CAMTA1: variants seen among roughly 807,000 people sequenced by gnomAD.
CAMTA1 encodes the protein calmodulin-binding transcription activator 1.
CAMTA1 carries 27 observed loss-of-function variants against 170.9 expected under a neutral mutation model. The ratio of observed to expected loss-of-function variants is 0.16; its 90% CI spans 0.12 to 0.22. CAMTA1 has a LOEUF of 0.22. Among genes scored for constraint, CAMTA1 ranks in the 10% least tolerant of loss-of-function variants. The pLI is 1.00. For missense variants in CAMTA1, 1,619 were observed against 2,217.2 expected (o/e 0.73, Z 5.42); for synonymous variants, 833 against 891.5 (o/e 0.93, Z 1.17).
chr1:6,820,482 C>T (rs562328411), intron 2 of CAMTA1, among the ~76,000 whole-genome samples: 3 of 152,282 alleles, frequency 2.0e-5, no homozygotes, highest in Admixed American at 6.5e-5. Context: ...TTTAATCACA[C>T]GGAGAAATCA....
chr1:7,416,488 T>G (rs561720736), intron 5 of CAMTA1, among the ~76,000 whole-genome samples: 4 of 152,326 alleles, frequency 2.6e-5, no homozygotes, highest in African/African-American at 9.6e-5. Context: ...TAAACTTCTC[T>G]TCTCGCTTCA....
In CAMTA1 at chr1:7,767,942, CAGG is replaced by C. The variant is rs1203063703; in HGVS notation, c.*1454_*1456del. 2 of 151,318 alleles carry C rather than the reference CAGG, an allele frequency of 1.3e-5. No individual in the cohort carries two copies. Among genetic ancestry groups the C allele is most frequent in the African/African-American group, 2.4e-5 (1 of 41,092 alleles). The allele number at this position is 151,318 out of a possible 1,614,324, so 9.4% of individuals were successfully genotyped here. A position where few individuals can be genotyped will look rare whatever the true frequency, so the allele number is the denominator to read the frequency against. ...TATGTTTACATTTAATTTTGGCTAC[CAGG>C]AGTTTAGTTTATTTTATTTAAAATT... On this transcript the variant is annotated 3_prime_UTR_variant, in exon 23 of 23. Transcript: ENST00000303635.
intron 6 of CAMTA1, among the ~76,000 whole-genome samples, chr1:7,599,310 G>C (rs1036702978): frequency 6.6e-6 from 1 of 152,272 alleles, no homozygotes; most frequent in Non-Finnish European, 1.5e-5. Flanking sequence ...TCTCTGTTTT[G>C]GTACCAGTAC....
rs375434903 is a variant in CAMTA1 at position 7,437,164 on chromosome 1, G to C, written c.439-30666G>C. On this transcript the variant is annotated intron_variant, in intron 5 of 22. Transcript: ENST00000303635. ...CAGCCCTATCCTCCCCGGATGCCTG[G>C]ATGCCGGAGGCAGGTCTCCGGTGTC... Among the ~76,000 whole-genome samples, 32 of 152,272 alleles carry C rather than the reference G, an allele frequency of 2.1e-4. No homozygotes were observed. In the East Asian group the frequency reaches 5.4e-3, roughly 26 times the overall value.
rs78982180 is a variant in CAMTA1, at chr1:7,409,045, C to T, written c.439-58785C>T. Among the ~76,000 whole-genome samples the T allele has an allele frequency of 3.3e-5, 5 of 152,210 alleles. No homozygotes were observed. The East Asian group carries it at 9.6e-4, about 29-fold the overall frequency. ...CAACACCTAGGCGCTCCTTTAAGTA[C>T]CTGCCTGTGGCCCTCTCTCCAAGGT... On this transcript the variant is annotated intron_variant, in intron 5 of 22. Coordinates refer to ENST00000303635, the MANE Select transcript of CAMTA1 (RefSeq NM_015215.4).
chr1:6,861,844 A>G (rs1297991635), intron 3 of CAMTA1, among the ~76,000 whole-genome samples: 1 of 152,174 alleles, frequency 6.6e-6, no homozygotes, highest in Non-Finnish European at 1.5e-5. Context: ...CTCTGTACCC[A>G]GTCAACAGTA....
Position 7,641,070 on chromosome 1 carries a change from C to G in CAMTA1, c.664+517C>G, listed in dbSNP as rs1353265683. On this transcript the variant is annotated intron_variant, in intron 7 of 22. Transcript: ENST00000303635. This position sits in a 1 kb window ranked among gnomAD's most constrained non-coding sequence, Gnocchi z 4.5. The stretch of plus-strand genomic sequence containing the variant: ...ATTTCATTTTGTCAGCAAAGTGGTG[C>G]TTTCTGAAGCATCTGTCAGGTGCAA... Among the ~76,000 whole-genome samples the G allele has an allele frequency of 1.3e-5, 2 of 152,210 alleles. No individual in the cohort carries two copies. The highest frequency in any genetic ancestry group is 2.9e-5 in the Non-Finnish European group (2 of 68,038).
chr1:7,361,102 G>A (rs575120031), intron 5 of CAMTA1, among the ~76,000 whole-genome samples: 4 of 152,290 alleles, frequency 2.6e-5, no homozygotes, highest in South Asian at 4.1e-4. Context: ...CGTTGCTGCC[G>A]GCCTGCCTGG....
rs1701814435 is a variant in CAMTA1, at chr1:7,024,763, A to C, written c.235-66541A>C. Among the ~76,000 whole-genome samples the C allele has an allele frequency of 3.3e-5, 5 of 152,352 alleles. 1 individual carries two copies. The South Asian group carries it at 1.0e-3, about 32-fold the overall frequency. On this transcript the variant is annotated intron_variant, in intron 3 of 22. Transcript: ENST00000303635. ...GCAGGGTGCTTACCTCCTATTAATAAGGAAAAAAGCAAACTAAATTAGTCT... is the reference window on the plus strand; with the variant it reads ...GCAGGGTGCTTACCTCCTATTAATACGGAAAAAAGCAAACTAAATTAGTCT...
intron 4 of CAMTA1, among the ~76,000 whole-genome samples, chr1:7,101,108 G>A (rs1165444904): frequency 1.3e-5 from 2 of 152,178 alleles, no homozygotes; most frequent in Non-Finnish European, 1.5e-5. Context: ...TGCCCTGTCC[G>A]TGTCCATCGA....
chr1:7,528,842 G>GA (rs1557868756), intron 6 of CAMTA1, among the ~76,000 whole-genome samples: 99 of 103,512 alleles, frequency 9.6e-4, no homozygotes, highest in Admixed American at 1.8e-3. Context: ...TGAATGAAGT[G>GA]AGTGAATGAA....
intron 4 of CAMTA1, among the ~76,000 whole-genome samples, chr1:7,213,565 A>G (rs189909164): frequency 6.6e-6 from 1 of 151,914 alleles, no homozygotes; most frequent in Non-Finnish European, 1.5e-5. Context: ...CTTCTTTTGC[A>G]TCCTGTCCTT....
At chr1:7,277,456 G>GGTGTGTGTGTGTGTGTGT (rs57970990) in intron 5 of CAMTA1, among the ~76,000 whole-genome samples, 12 of 135,324 alleles carry the variant, frequency 8.9e-5, no homozygotes, top group African/African-American at 3.1e-4. Context: ...TCCAAGCAAT[G>GGTGTGTGTGTGTGTGTGT]GTGTGTGTGT....
chr1:6,790,375 A>AGAGAGT (rs951990612), intron 1 of CAMTA1, among the ~76,000 whole-genome samples: 1 of 139,060 alleles, frequency 7.2e-6, no homozygotes, highest in Admixed American at 7.2e-5. Flanking sequence ...AGAGAGAGAG[A>AGAGAGT]GTGTGTGTGT....
chr1:6,867,895 C>T (rs1049096755), intron 3 of CAMTA1, among the ~76,000 whole-genome samples: 1 of 152,084 alleles, frequency 6.6e-6, no homozygotes, highest in Non-Finnish European at 1.5e-5. Flanking sequence ...CTGCTGCCTC[C>T]ACCTCCTGGG....
chr1:6,916,267 C>T (rs528438377), intron 3 of CAMTA1, among the ~76,000 whole-genome samples: 8 of 152,198 alleles, frequency 5.3e-5, no homozygotes, highest in South Asian at 2.1e-4. Context: ...GGGCGCTTCC[C>T]GGGCATCACA....
intron 3 of CAMTA1, among the ~76,000 whole-genome samples, chr1:6,827,976 C>T (rs868096045): frequency 1.8e-4 from 27 of 152,264 alleles, no homozygotes; most frequent in African/African-American, 5.5e-4. Context: ...TGTGGGAATG[C>T]GCACAGTTGA....
chr1:7,011,886 C>T (rs1699861136), intron 3 of CAMTA1, among the ~76,000 whole-genome samples: 1 of 152,166 alleles, frequency 6.6e-6, no homozygotes, highest in Non-Finnish European at 1.5e-5. Context: ...AGATTACAAA[C>T]ATCCCACTCT....
intron 1 of CAMTA1, among the ~76,000 whole-genome samples, chr1:6,788,177 C>T (rs895824044): frequency 6.7e-6 from 1 of 149,592 alleles, no homozygotes; most frequent in African/African-American, 2.5e-5. Context: ...CTCCCTCCCT[C>T]CCTCCCTTTC....
Sources: allele counts gnomAD v4.1 joint callset (sites outside exome capture counted in the v4.1 genomes callset), GRCh38; gene constraint gnomAD v4.1.1; non-coding constraint Gnocchi (gnomAD v3.1); transcripts MANE v1.5; gene names NCBI Gene and HGNC (gene_info 2026-07-23, HGNC 2026-07-21).